Variants in HMCN2 observed in about 807,000 individuals in gnomAD.
HMCN2 encodes the protein hemicentin-2.
A neutral mutation model predicts 377.5 loss-of-function variants in HMCN2; 325 were observed. The ratio of observed to expected loss-of-function variants is 0.86; its 90% CI spans 0.79 to 0.94. The LOEUF (loss-of-function observed/expected upper bound fraction) is 0.94, where lower values mean the gene tolerates loss of function less well. HMCN2 is among the 40% of genes least tolerant of loss of function. The pLI, the probability that HMCN2 is intolerant of heterozygous loss-of-function variation, is 0.00. For missense variants in HMCN2, 4,543 were observed against 4,725.3 expected (o/e 0.96, Z 1.13); for synonymous variants, 2,007 against 2,046.8 (o/e 0.98, Z 0.53).
intron 11 of HMCN2, among the ~76,000 whole-genome samples, chr9:130,305,823 G>C (rs1836818876): frequency 6.6e-6 from 1 of 152,206 alleles, no homozygotes; most frequent in African/African-American, 2.4e-5. Context: ...CCTGGTAGCT[G>C]CCTGACATCT....
rs938563967 is a variant in HMCN2, at chr9:130,391,637, A to G, written c.9952+63A>G. Reference sequence around the variant, plus strand: ...GCCTGGGCACGGGAGATAAGGCGACATGTGAGCAAAGCCCACACTGTGTCC... The same window carrying G: ...GCCTGGGCACGGGAGATAAGGCGACGTGTGAGCAAAGCCCACACTGTGTCC... On this transcript the variant is annotated intron_variant, in intron 65 of 97. Transcript: ENST00000683500. 7 of 985,034 alleles carry G rather than the reference A, an allele frequency of 7.1e-6. 1 individual carries two copies. Among genetic ancestry groups the G allele is most frequent in the Non-Finnish European group, 1.2e-6 (1 of 829,534 alleles). 61.0% of individuals were successfully genotyped at this position (985,034 alleles called of 1,614,324 possible).
Position 130,429,296 on chromosome 9 carries a change from T to C in HMCN2, c.14198-261T>C, listed in dbSNP as rs148408922. 3.2e-5 allele frequency: 17 copies of C among 524,582 alleles called. No homozygotes were observed. In the East Asian group the frequency reaches 5.4e-4, roughly 17 times the overall value. The allele number at this position is 524,582 out of a possible 1,614,324, so 32.5% of individuals were successfully genotyped here. A position where few individuals can be genotyped will look rare whatever the true frequency, so the allele number is the denominator to read the frequency against. On this transcript the variant is annotated intron_variant, in intron 93 of 97. Transcript: ENST00000683500. ...AGAGTTCCTTGCCCAAGGGCTAGAA[T>C]ATGGAGAGCTCAGCGGAACCCAGGA...
intron 97 of HMCN2, 108 bp from the exon 98 acceptor site, chr9:130,433,240 G>A (rs1269928355): frequency 7.3e-6 from 6 of 822,172 alleles, no homozygotes; most frequent in South Asian, 2.3e-5. Flanking sequence ...GACGGGCAGC[G>A]CGTGGGCGGA....
At chr9:130,392,745 C>CT (rs1478549327) in intron 66 of HMCN2, among the ~76,000 whole-genome samples, 1 of 89,906 alleles carries the variant, frequency 1.1e-5, no homozygotes, top group Non-Finnish European at 2.5e-5. Flanking sequence ...CGCCTGTAAT[C>CT]CAGCACTTTG....
intron 4 of HMCN2, among the ~76,000 whole-genome samples, chr9:130,294,176 G>T (rs906470458): frequency 2.0e-5 from 3 of 152,176 alleles, no homozygotes; most frequent in Non-Finnish European, 4.4e-5. Flanking sequence ...GGAACCTCCC[G>T]AAGTCATACC....
chr9:130,338,958 G>A (rs2131467589), intron 23 of HMCN2, among the ~76,000 whole-genome samples: 1 of 152,302 alleles, frequency 6.6e-6, no homozygotes, highest in South Asian at 2.1e-4. Context: ...GGAGGCCTAG[G>A]TGGGAGGATG....
intron 15 of HMCN2, 132 bp downstream of exon 15, chr9:130,310,193 T>A: frequency 3.7e-6 from 1 of 266,848 alleles, no homozygotes; most frequent in Admixed American, 4.8e-5. Flanking sequence ...ATCCTGAGCA[T>A]GTGGGGACAG....
At position 130,334,767 on chromosome 9, in the gene HMCN2, C is replaced by T. The variant is rs1838642600; in HGVS notation, c.3360-3127C>T. On this transcript the variant is annotated intron_variant, in intron 22 of 97. Transcript: ENST00000683500. ...CTCTTTCTCTCTCTCTCTTCTCTCT[C>T]TCTCTCTCTCTCCCTCTTCCTCTCT... Among the ~76,000 whole-genome samples, 5 of 149,340 alleles carry T rather than the reference C, an allele frequency of 3.3e-5. No homozygotes were observed. In the South Asian group the frequency reaches 1.1e-3, roughly 33 times the overall value.
chr9:130,352,617 G>A (rs1203112609), intron 30 of HMCN2, among the ~76,000 whole-genome samples: 1 of 152,174 alleles, frequency 6.6e-6, no homozygotes, highest in Non-Finnish European at 1.5e-5. Flanking sequence ...CACAGATGGG[G>A]AGACTGAGGC....
chr9:130,364,489 G>C (rs1369344315), intron 40 of HMCN2, among the ~76,000 whole-genome samples: 1 of 152,244 alleles, frequency 6.6e-6, no homozygotes, highest in Non-Finnish European at 1.5e-5. Context: ...GGGACCCTGA[G>C]CTTCCTTCCC....
At chr9:130,411,144 G>A (rs1017780404) in intron 85 of HMCN2, among the ~76,000 whole-genome samples, 1 of 151,570 alleles carries the variant, frequency 6.6e-6, no homozygotes, top group African/African-American at 2.4e-5. Flanking sequence ...CCGGCTCCCA[G>A]CCTCCAGCAT....
At chr9:130,412,064 C>T (rs1327915065) in intron 85 of HMCN2, among the ~76,000 whole-genome samples, 3 of 152,086 alleles carry the variant, frequency 2.0e-5, no homozygotes, top group Non-Finnish European at 2.9e-5. Context: ...CTCCGCCTCC[C>T]GGGTTCAGGC....
intron 19 of HMCN2, among the ~76,000 whole-genome samples, chr9:130,322,505 T>C (rs1302694707): frequency 6.6e-6 from 1 of 152,150 alleles, no homozygotes; most frequent in African/African-American, 2.4e-5. Context: ...CTGTTTTCTG[T>C]CAATTAAGAT....
In HMCN2 at chr9:130,422,727, G is replaced by A. The variant is rs910839086; in HGVS notation, c.13381+1G>A. ...ATCCGCCATGTCCCAGCAAACGTGG[G>A]TGAGTGGAAGGCAGAGCATCACCTG... On this transcript the variant is annotated splice_donor_variant, in intron 87 of 97. Coordinates refer to ENST00000683500, the MANE Select transcript of HMCN2 (RefSeq NM_001291815.2). LOFTEE classifies it high-confidence loss of function. This position sits in a 1 kb window ranked among gnomAD's most constrained non-coding sequence, Gnocchi z 4.2. The A allele has an allele frequency of 1.7e-5, 22 of 1,279,368 alleles. No individual in the cohort carries two copies. The highest frequency in any genetic ancestry group is 8.4e-5 in the Admixed American group (2 of 23,914). 79.3% of individuals were successfully genotyped at this position (1,279,368 alleles called of 1,614,324 possible). A position where few individuals can be genotyped will look rare whatever the true frequency, so the allele number is the denominator to read the frequency against.
rs377496396 is a variant in HMCN2, at chr9:130,380,606, G to A, written c.8431+1139G>A. On this transcript the variant is annotated intron_variant, in intron 54 of 97. Coordinates refer to ENST00000683500, the MANE Select transcript of HMCN2 (RefSeq NM_001291815.2). ...ATTCAAGACCAGCCTGGGCAACATC[G>A]TGAGACCCCGTCTGTACAAAATATT... Among the ~76,000 whole-genome samples, 261 of 152,100 alleles carry A rather than the reference G, an allele frequency of 1.7e-3. 1 individual carries two copies. Among genetic ancestry groups the A allele is most frequent in the African/African-American group, 6.1e-3 (253 of 41,478 alleles).
chr9:130,298,370 A>T (rs1006210413), intron 7 of HMCN2, among the ~76,000 whole-genome samples: 5 of 152,164 alleles, frequency 3.3e-5, no homozygotes, highest in Non-Finnish European at 7.3e-5. Context: ...ACAAAATTTA[A>T]AAAATTAGCC....
chr9:130,380,665 T>C (rs1397871117), intron 54 of HMCN2, among the ~76,000 whole-genome samples: 1 of 151,800 alleles, frequency 6.6e-6, no homozygotes, highest in Non-Finnish European at 1.5e-5. Context: ...CATGTACCTG[T>C]GGTCCCAGCT....
Position 130,424,809 on chromosome 9 carries a change from C to A in HMCN2, c.13415C>A (p.Ala4472Asp). The A allele has an allele frequency of 6.5e-7, 1 of 1,537,826 alleles. No homozygotes were observed. Among genetic ancestry groups the A allele is most frequent in the Non-Finnish European group, 8.8e-7 (1 of 1,139,416 alleles). The change falls in exon 88 of 98, where the codon GCC becomes GAC. Residue 4472 changes from alanine to aspartate, a missense_variant. Coordinates refer to ENST00000683500, the MANE Select transcript of HMCN2 (RefSeq NM_001291815.2). ...ATGCGGGTGCTCGTGGTCACCATCG[C>A]CCCCATCTACTGGGCCCTGGCCAGA... ...PLMRVLVVTI[A>D]PIYWALARES...
At chr9:130,332,565 G>T (rs1013977413) in intron 22 of HMCN2, among the ~76,000 whole-genome samples, 2 of 152,064 alleles carry the variant, frequency 1.3e-5, no homozygotes, top group Middle Eastern at 3.4e-3. Flanking sequence ...CACCAGCATC[G>T]CAGGGCTTAC....
Sources: gnomAD v4.1 joint callset for allele counts (sites outside exome capture counted in the v4.1 genomes callset) on GRCh38, gnomAD v4.1.1 for gene constraint, Gnocchi (gnomAD v3.1) non-coding constraint, MANE v1.5 for transcripts, NCBI Gene and HGNC (gene_info 2026-07-23, HGNC 2026-07-21) for gene names.